COL26A1: variants seen among roughly 807,000 people sequenced by gnomAD.
COL26A1 encodes the protein collagen alpha-1(XXVI) chain.
COL26A1 carries 41 observed loss-of-function variants against 59.3 expected under a neutral mutation model. The ratio of observed to expected loss-of-function variants is 0.69; its 90% confidence interval spans 0.54 to 0.90. The LOEUF (loss-of-function observed/expected upper bound fraction) is 0.90, where lower values mean the gene tolerates loss of function less well. COL26A1 is among the 40% of genes least tolerant of loss of function. The probability of loss-of-function intolerance (pLI) is 0.00; values close to 1 mark genes in which losing one functional copy is unlikely to be tolerated. For synonymous variants in COL26A1, 266 were observed against 256.0 expected (o/e 1.04, Z -0.37); for missense variants, 612 against 602.3 (o/e 1.02, Z -0.17).
intron 10 of COL26A1, among the ~76,000 whole-genome samples, chr7:101,552,782 C>G (rs942180167): frequency 3.9e-5 from 6 of 152,218 alleles, no homozygotes; most frequent in Non-Finnish European, 7.3e-5. Flanking sequence ...TGGCGCATGC[C>G]TGTAATCTCA....
intron 1 of COL26A1, among the ~76,000 whole-genome samples, chr7:101,418,391 T>C (rs1007309611): frequency 2.6e-5 from 4 of 152,196 alleles, no homozygotes; most frequent in Non-Finnish European, 5.9e-5. Context: ...ATCTACTTTC[T>C]GTCTCTTAGG....
chr7:101,462,244 C>T (rs544756442), intron 3 of COL26A1, among the ~76,000 whole-genome samples: 2 of 152,030 alleles, frequency 1.3e-5, no homozygotes, highest in East Asian at 1.9e-4. Flanking sequence ...GTGATCCACC[C>T]GCCTTGGCCT....
intron 1 of COL26A1, among the ~76,000 whole-genome samples, chr7:101,379,818 A>G (rs1470209121): frequency 6.6e-6 from 1 of 152,198 alleles, no homozygotes; most frequent in Non-Finnish European, 1.5e-5. Context: ...AACAGTTTGC[A>G]AATGCCTTGG....
At chr7:101,490,720 T>C (rs6951521) in intron 3 of COL26A1, among the ~76,000 whole-genome samples, 61,491 of 148,282 alleles carry the variant, frequency 0.41, 13,127 homozygotes, top group African/African-American at 0.54. Flanking sequence ...GGTCGGGCAC[T>C]ATGGACCATG....
At chr7:101,405,314 G>C (rs559000755) in intron 1 of COL26A1, among the ~76,000 whole-genome samples, 10 of 151,804 alleles carry the variant, frequency 6.6e-5, no homozygotes, top group Admixed American at 6.6e-4. Flanking sequence ...AAGGAGACAA[G>C]ACTTTTTACC....
At chr7:101,546,460 G>A (rs1795738938) in intron 7 of COL26A1, among the ~76,000 whole-genome samples, 1 of 151,702 alleles carries the variant, frequency 6.6e-6, no homozygotes, top group Non-Finnish European at 1.5e-5. Flanking sequence ...GGCTGGTCTG[G>A]AGATGTGGTC....
intron 3 of COL26A1, among the ~76,000 whole-genome samples, chr7:101,513,729 G>A: frequency 6.6e-6 from 1 of 152,150 alleles, no homozygotes; most frequent in East Asian, 1.9e-4. Context: ...ATCCTAACCT[G>A]TGCAATATGT....
intron 1 of COL26A1, among the ~76,000 whole-genome samples, chr7:101,414,928 C>T (rs1463458178): frequency 1.3e-5 from 2 of 152,194 alleles, no homozygotes; most frequent in Non-Finnish European, 2.9e-5. Flanking sequence ...AGACTAGACT[C>T]CCTTTGCAGC....
intron 3 of COL26A1, among the ~76,000 whole-genome samples, chr7:101,516,137 G>A (rs966686215): frequency 1.3e-5 from 2 of 152,214 alleles, no homozygotes; most frequent in African/African-American, 4.8e-5. Flanking sequence ...GATTGTGGCC[G>A]TGAGCCACTT....
intron 3 of COL26A1, among the ~76,000 whole-genome samples, chr7:101,461,996 CTTTT>C (rs531100830): frequency 4.2e-5 from 5 of 117,898 alleles, no homozygotes; most frequent in African/African-American, 1.3e-4. Context: ...CCACGGAGCA[CTTTT>C]TTTTTTTTTT....
intron 3 of COL26A1, among the ~76,000 whole-genome samples, chr7:101,489,762 CTT>C (rs1189018825): frequency 7.9e-4 from 3 of 3,800 alleles, no homozygotes; most frequent in African/African-American, 1.1e-3. Context: ...GTCTCTCTTT[CTT>C]TCTTTCTTTC....
At chr7:101,387,680 A>T (rs541564574) in intron 1 of COL26A1, among the ~76,000 whole-genome samples, 7,577 of 135,264 alleles carry the variant, frequency 0.056, 504 homozygotes, top group African/African-American at 0.15. Flanking sequence ...TATATATATA[A>T]AGAGAGAGAT....
chr7:101,552,705 G>A (rs945015789), intron 10 of COL26A1, among the ~76,000 whole-genome samples: 2 of 152,148 alleles, frequency 1.3e-5, no homozygotes, highest in South Asian at 2.1e-4. Flanking sequence ...TCAGGAGTTC[G>A]AGATGAGCCT....
intron 3 of COL26A1, among the ~76,000 whole-genome samples, chr7:101,476,748 C>A (rs1013226868): frequency 6.6e-6 from 1 of 151,248 alleles, no homozygotes; most frequent in Non-Finnish European, 1.5e-5. Flanking sequence ...GGGGTTTTAC[C>A]GTGTTAGCCA....
chr7:101,391,552 C>T (rs2130151824), intron 1 of COL26A1, among the ~76,000 whole-genome samples: 1 of 152,104 alleles, frequency 6.6e-6, no homozygotes, highest in South Asian at 2.1e-4. Flanking sequence ...TGCATTTGGA[C>T]CCTATTTTTA....
chr7:101,382,368 G>A (rs1049169463), intron 1 of COL26A1, among the ~76,000 whole-genome samples: 1 of 152,142 alleles, frequency 6.6e-6, no homozygotes, highest in African/African-American at 2.4e-5. Flanking sequence ...AGGCTGTGAG[G>A]TAGGGATTTA....
chr7:101,446,046 CAAAAAAAAAAA>C (rs60343304), intron 2 of COL26A1, among the ~76,000 whole-genome samples: 2 of 50,994 alleles, frequency 3.9e-5, no homozygotes, highest in African/African-American at 6.9e-5. Context: ...GACTCCGTCT[CAAAAAAAAAAA>C]AAAAAAAAAA....
intron 1 of COL26A1, among the ~76,000 whole-genome samples, chr7:101,376,031 T>C (rs1405540114): frequency 2.0e-5 from 3 of 147,244 alleles, no homozygotes; most frequent in Non-Finnish European, 3.0e-5. Context: ...CACGGTGATG[T>C]GTGATTGTAG....
chr7:101,492,451 C>T (rs992767883), intron 3 of COL26A1, among the ~76,000 whole-genome samples: 2 of 151,816 alleles, frequency 1.3e-5, no homozygotes, highest in African/African-American at 4.8e-5. Context: ...AATCTCAGCA[C>T]TTTGGGAGAC....
Sources: gnomAD v4.1 joint callset for allele counts (sites outside exome capture counted in the v4.1 genomes callset) on GRCh38, gnomAD v4.1.1 for gene constraint, MANE v1.5 for transcripts, NCBI Gene and HGNC (gene_info 2026-07-23, HGNC 2026-07-21) for gene names.